TMPRSS15: variants seen among roughly 807,000 people sequenced by gnomAD.
The protein encoded by TMPRSS15 is enteropeptidase.
TMPRSS15 carries 128 observed loss-of-function variants against 125.3 expected under a neutral mutation model. The observed-to-expected ratio is 1.02, with a 90% CI of 0.89 to 1.18. TMPRSS15 has a LOEUF of 1.18. Ranked by LOEUF, TMPRSS15 falls within the 50% of genes most tolerant of loss-of-function variation. The probability of loss-of-function intolerance (pLI) is 0.00; values close to 1 mark genes in which losing one functional copy is unlikely to be tolerated. For missense variants in TMPRSS15, 1,283 were observed against 1,212.7 expected, an observed-to-expected ratio of 1.06 and a Z score of -0.86; for synonymous variants, 446 against 423.2, an observed-to-expected ratio of 1.05 and a Z score of -0.66.
At chr21:18,276,184 CAA>C (rs889083591) in intron 23 of TMPRSS15, among the ~76,000 whole-genome samples, 3 of 151,954 alleles carry the variant, frequency 2.0e-5, no homozygotes, top group Admixed American at 6.5e-5. Context: ...ATGAAGGAAG[CAA>C]AAAAAGTGTG....
At chr21:18,450,139 T>C (rs578185880) in intron 1 of TMPRSS15, among the ~76,000 whole-genome samples, 1 of 152,268 alleles carries the variant, frequency 6.6e-6, no homozygotes, top group South Asian at 2.1e-4. Flanking sequence ...AATGTACATT[T>C]TTGCATTATC....
At chr21:18,432,175 A>AT (rs1444292115) in intron 1 of TMPRSS15, among the ~76,000 whole-genome samples, 1 of 152,046 alleles carries the variant, frequency 6.6e-6, no homozygotes, top group Non-Finnish European at 1.5e-5. Context: ...CATTTCCTCC[A>AT]TTCCTCTTTC....
Position 18,460,143 on chromosome 21 carries a change from A to G in TMPRSS15, c.10+25656T>C, listed in dbSNP as rs117613668. The stretch of plus-strand genomic sequence containing the variant: ...CCACTTTCCTGTATTTATGGCTTAT[A>G]TACATTTTTCTGCCTCATTGCATTG... On this transcript the variant is annotated intron_variant, in intron 1 of 7. Transcript: ENST00000422787. Among the ~76,000 whole-genome samples the G allele has an allele frequency of 6.7e-3, 1,016 of 152,258 alleles. 6 individuals are homozygous for G. Among genetic ancestry groups the G allele is most frequent in the Middle Eastern group, 0.014 (4 of 294 alleles).
intron 3 of TMPRSS15, 57 bp from the exon 4 acceptor site, chr21:18,383,835 G>A: frequency 6.4e-7 from 1 of 1,573,838 alleles, no homozygotes; most frequent in Middle Eastern, 1.7e-4. Flanking sequence ...ACTGATTTGT[G>A]TTCAATTCAT....
At chr21:18,445,038 A>T (rs1201202392) in intron 1 of TMPRSS15, among the ~76,000 whole-genome samples, 1 of 152,114 alleles carries the variant, frequency 6.6e-6, no homozygotes, top group Non-Finnish European at 1.5e-5. Context: ...CAACAAGCTA[A>T]TGTTTCTCTT....
At chr21:18,468,157 A>T (rs1978704402) in intron 1 of TMPRSS15, among the ~76,000 whole-genome samples, 1 of 152,136 alleles carries the variant, frequency 6.6e-6, no homozygotes, top group Admixed American at 6.6e-5. Context: ...TTAGATCCTT[A>T]GAGATTTGGA....
chr21:18,471,015 T>G (rs1423230912), intron 1 of TMPRSS15, among the ~76,000 whole-genome samples: 1 of 151,962 alleles, frequency 6.6e-6, no homozygotes, highest in African/African-American at 2.4e-5. Flanking sequence ...TACATCTCTA[T>G]TACCCATGAT....
At chr21:18,449,293 T>C (rs1004458232) in intron 1 of TMPRSS15, among the ~76,000 whole-genome samples, 1 of 152,112 alleles carries the variant, frequency 6.6e-6, no homozygotes, top group Non-Finnish European at 1.5e-5. Flanking sequence ...CTAATGCATA[T>C]AGTATGCTGT....
chr21:18,441,229 G>T (rs2076240631), intron 1 of TMPRSS15, among the ~76,000 whole-genome samples: 1 of 151,860 alleles, frequency 6.6e-6, no homozygotes, highest in African/African-American at 2.4e-5. Flanking sequence ...GGAGGTGGAG[G>T]TTGCAGTGAG....
intron 6 of TMPRSS15, among the ~76,000 whole-genome samples, chr21:18,367,194 A>T (rs1447931863): frequency 6.6e-6 from 1 of 152,166 alleles, no homozygotes; most frequent in Non-Finnish European, 1.5e-5. Flanking sequence ...AAAGATAACA[A>T]GTCAAGAAGC....
chr21:18,397,985 T>C, intron 2 of TMPRSS15, 39 bp from the exon 3 acceptor site: 1 of 1,358,598 alleles, frequency 7.4e-7, no homozygotes, highest in Non-Finnish European at 1.0e-6. Flanking sequence ...ATACTAAATT[T>C]AGGATTTTAA....
At chr21:18,360,077 T>C (rs975134139) in intron 7 of TMPRSS15, among the ~76,000 whole-genome samples, 4 of 152,070 alleles carry the variant, frequency 2.6e-5, no homozygotes, top group African/African-American at 9.7e-5. Flanking sequence ...AAACTCTGTA[T>C]CACTGAATGA....
intron 10 of TMPRSS15, among the ~76,000 whole-genome samples, chr21:18,345,984 C>G (rs2146994453): frequency 6.6e-6 from 1 of 151,750 alleles, no homozygotes; most frequent in Non-Finnish European, 1.5e-5. Flanking sequence ...GCTATGATTT[C>G]TTTTGTCAGT....
At chr21:18,387,835 G>T (rs2075958917) in intron 3 of TMPRSS15, among the ~76,000 whole-genome samples, 1 of 152,136 alleles carries the variant, frequency 6.6e-6, no homozygotes, top group East Asian at 1.9e-4. Flanking sequence ...GTATTTTAAA[G>T]GATTTATAGA....
At chr21:18,450,350 A>G (rs2076265281) in intron 1 of TMPRSS15, among the ~76,000 whole-genome samples, 1 of 152,102 alleles carries the variant, frequency 6.6e-6, no homozygotes, top group Non-Finnish European at 1.5e-5. Context: ...GTAGTTTGAA[A>G]GGATCAACGG....
intron 24 of TMPRSS15, among the ~76,000 whole-genome samples, chr21:18,271,254 G>GTT (rs2074552234): frequency 6.6e-6 from 1 of 152,158 alleles, no homozygotes; most frequent in Non-Finnish European, 1.5e-5. Flanking sequence ...TTATGGAACA[G>GTT]TTTATATTCA....
At chr21:18,303,757 A>T (rs2075000159) in intron 18 of TMPRSS15, among the ~76,000 whole-genome samples, 2 of 152,222 alleles carry the variant, frequency 1.3e-5, no homozygotes, top group Non-Finnish European at 2.9e-5. Context: ...GTGCCAAAAC[A>T]TAAAAGATGT....
rs1366391594 is a variant in TMPRSS15, at chr21:18,365,133, G to A, written c.773+7C>T. The A allele has an allele frequency of 6.2e-7, 1 of 1,605,146 alleles. No homozygotes were observed. Among genetic ancestry groups the A allele is most frequent in the Non-Finnish European group, 8.5e-7 (1 of 1,171,858 alleles). ...TTAAGAACAGAAAATATAAGATCTT[G>A]TATTACCGTATGATCCACTGGCAGA... On this transcript the variant is annotated splice_region_variant and intron_variant, in intron 7 of 24. Coordinates refer to ENST00000284885, the MANE Select transcript of TMPRSS15 (RefSeq NM_002772.3).
chr21:18,407,648 A>G (rs970520332), upstream of TMPRSS15, among the ~76,000 whole-genome samples: 1 of 151,944 alleles, frequency 6.6e-6, no homozygotes, highest in African/African-American at 2.4e-5. Context: ...TTTTGTAGAA[A>G]TGAGGTCTCA....
Sources: allele counts gnomAD v4.1 joint callset (sites outside exome capture counted in the v4.1 genomes callset), GRCh38; gene constraint gnomAD v4.1.1; transcripts MANE v1.5; gene names NCBI Gene and HGNC (gene_info 2026-07-23, HGNC 2026-07-21).